The following DCX variants were observed in gnomAD, a reference collection of about 807,000 sequenced individuals.
DCX encodes the protein neuronal migration protein doublecortin.
Under a neutral mutation model 20.9 loss-of-function variants are expected in DCX, and 4 were observed. That is an observed-to-expected ratio of 0.19 (90% confidence interval 0.09 to 0.44). The LOEUF (loss-of-function observed/expected upper bound fraction) is 0.44. DCX is among the 20% of genes least tolerant of loss of function. The pLI is 0.99. For synonymous variants in DCX, 103 were observed against 111.4 expected, an observed-to-expected ratio of 0.92 and a Z score of 0.47; for missense variants, 133 against 296.9, an observed-to-expected ratio of 0.45 and a Z score of 4.06.
chrX:111,311,598 A>G (rs1399429066), intron 6 of DCX, among the ~76,000 whole-genome samples: 1 of 111,613 alleles, frequency 9.0e-6, no homozygotes, highest in Non-Finnish European at 1.9e-5. Flanking sequence ...ACCTACTGTG[A>G]GCTGGCTCTG....
intron 3 of DCX, among the ~76,000 whole-genome samples, chrX:111,382,133 C>T (rs1038117233): frequency 1.8e-5 from 2 of 111,865 alleles, no homozygotes; most frequent in East Asian, 2.8e-4. Context: ...TCCCAGATGA[C>T]GCTGATGTTG....
chrX:111,325,281 G>A lies in DCX; in HGVS notation c.946+5623C>T, dbSNP rs140118073. The stretch of plus-strand genomic sequence containing the variant: ...AGCCAAGAAGCAAGGACCATCCAAC[G>A]TAGACCTTTGCATTCACCAGACAGC... On this transcript the variant is annotated intron_variant, in intron 5 of 6. Transcript: ENST00000636035. Among the ~76,000 whole-genome samples the A allele has an allele frequency of 3.6e-3, 403 of 111,262 alleles. 3 individuals carry two copies. The highest frequency in any genetic ancestry group is 0.012 in the African/African-American group (381 of 30,579).
chrX:111,313,428 A>T (rs2095061965), intron 5 of DCX, among the ~76,000 whole-genome samples: 1 of 111,019 alleles, frequency 9.0e-6, no homozygotes, highest in African/African-American at 3.3e-5. Flanking sequence ...ATCAAAAAAG[A>T]GAGAATGACA....
At position 111,298,315 on chromosome X, in the gene DCX, T is replaced by G. The variant is rs2095026100; in HGVS notation, c.*3372A>C. 9.0e-6 allele frequency: 1 copy of G among 111,634 alleles called. No homozygotes were observed. The highest frequency in any genetic ancestry group is 1.9e-5 in the Non-Finnish European group (1 of 53,073). 9.2% of individuals were successfully genotyped at this position (111,634 alleles called of 1,213,427 possible). On this transcript the variant is annotated 3_prime_UTR_variant, in exon 7 of 7. Coordinates refer to ENST00000636035, the MANE Select transcript of DCX (RefSeq NM_001195553.2). ...CAGATGGACAAGGCCAGGGACCCCA[T>G]TGCTCCTATTGGCCCTCAATGCCTC...
At chrX:111,403,985 G>T (rs1220020447) in intron 2 of DCX, among the ~76,000 whole-genome samples, 1 of 109,626 alleles carries the variant, frequency 9.1e-6, no homozygotes, top group Admixed American at 9.9e-5. Flanking sequence ...GGCAGAGGGT[G>T]CAGTGAGCTG....
chrX:111,308,094 G>T (rs2095049579), intron 6 of DCX, among the ~76,000 whole-genome samples: 1 of 112,190 alleles, frequency 8.9e-6, no homozygotes, highest in South Asian at 3.7e-4. Flanking sequence ...TTCAGGAAAA[G>T]GAATTATCTC....
intron 3 of DCX, among the ~76,000 whole-genome samples, chrX:111,334,998 C>G (rs1417862434): frequency 4.5e-5 from 5 of 111,742 alleles, no homozygotes; most frequent in Non-Finnish European, 9.4e-5. Flanking sequence ...AGCTGCAGAC[C>G]TCCTACCAAT....
rs1208889763 is a variant in DCX, at chrX:111,296,675, C to T, written c.*5012G>A. 1 of 108,331 alleles carries T rather than the reference C, an allele frequency of 9.2e-6. No individual in the cohort carries two copies. Among genetic ancestry groups the T allele is most frequent in the African/African-American group, 3.4e-5 (1 of 29,458 alleles). The allele number at this position is 108,331 out of a possible 1,213,427, so 8.9% of individuals were successfully genotyped here. ...ACTCGGGAGACTGAGGCAGGAGAAT[C>T]GCTTCGACCTGGGAGGTGAAGGGTG... On this transcript the variant is annotated 3_prime_UTR_variant, in exon 7 of 7. Transcript: ENST00000636035.
chrX:111,408,852 T>A (rs1928470706), intron 2 of DCX, among the ~76,000 whole-genome samples: 1 of 111,686 alleles, frequency 9.0e-6, no homozygotes, highest in South Asian at 3.8e-4. Flanking sequence ...CTCATTCTCC[T>A]TTGTCTAGGA....
In DCX at chrX:111,308,515, C is replaced by T. The variant is rs191036929; in HGVS notation, c.1044+4124G>A. Among the ~76,000 whole-genome samples, 12 of 110,883 alleles carry T rather than the reference C, an allele frequency of 1.1e-4. No homozygotes were observed. The East Asian group carries it at 3.4e-3, about 31-fold the overall frequency. On this transcript the variant is annotated intron_variant, in intron 6 of 6. Transcript: ENST00000636035. ...CCATCTCCCACTCTCTCCCGTCTTTCCCACCCTCCTTTGTGCTCATGCAGT... is the reference window on the plus strand; with the variant it reads ...CCATCTCCCACTCTCTCCCGTCTTTTCCACCCTCCTTTGTGCTCATGCAGT...
chrX:111,382,784 G>T (rs1187328284), intron 3 of DCX, among the ~76,000 whole-genome samples: 1 of 111,550 alleles, frequency 9.0e-6, no homozygotes, highest in Non-Finnish European at 1.9e-5. Context: ...CAAGGTATGT[G>T]AATCAGAAAA....
chrX:111,386,288 C>G (rs186298366), intron 3 of DCX, among the ~76,000 whole-genome samples: 2,173 of 111,330 alleles, frequency 0.02, 67 homozygotes, highest in African/African-American at 0.067. Context: ...AACTGAACCA[C>G]AGCCAGCGCT....
chrX:111,371,025 A>G (rs147469260), intron 3 of DCX, among the ~76,000 whole-genome samples: 2,379 of 111,958 alleles, frequency 0.021, 70 homozygotes, highest in African/African-American at 0.073. Context: ...CCTATTTTTA[A>G]TGCATTTCAA....
In DCX at chrX:111,320,841, T is replaced by TCA. The variant is rs969600224; in HGVS notation, c.947-8107_947-8106dup. ...CTCTTTCTTTCTCTCTCTCTCTCTC[T>TCA]CACACACACACACACACACACATGC... is the stretch of plus-strand genomic sequence containing the variant. On this transcript the variant is annotated intron_variant, in intron 5 of 6. Transcript: ENST00000636035. Among the ~76,000 whole-genome samples, 794 of 103,586 alleles carry TCA rather than the reference T, an allele frequency of 7.7e-3. 3 individuals are homozygous for TCA. The highest frequency in any genetic ancestry group is 0.01 in the Non-Finnish European group (516 of 51,035). The allele number at this position is 103,586 out of a possible 115,157, so 90.0% of individuals were successfully genotyped here.
chrX:111,388,891 T>C (rs1332106647), intron 3 of DCX, among the ~76,000 whole-genome samples: 1 of 112,125 alleles, frequency 8.9e-6, no homozygotes, highest in East Asian at 2.8e-4. Context: ...TAGCTCTATA[T>C]GTTATAGTGT....
At chrX:111,344,278 T>C (rs908227558) in intron 3 of DCX, among the ~76,000 whole-genome samples, 18 of 111,784 alleles carry the variant, frequency 1.6e-4, no homozygotes, top group African/African-American at 5.5e-4. Flanking sequence ...CCACAGCCAA[T>C]ATCAAATTAA....
At chrX:111,383,305 T>C (rs1218948595) in intron 3 of DCX, among the ~76,000 whole-genome samples, 4 of 112,042 alleles carry the variant, frequency 3.6e-5, no homozygotes, top group Non-Finnish European at 5.6e-5. Context: ...TGTTTCTTCT[T>C]GGTGAAAAAT....
At chrX:111,341,679 A>T (rs1922251362) in intron 3 of DCX, among the ~76,000 whole-genome samples, 1 of 112,072 alleles carries the variant, frequency 8.9e-6, no homozygotes, top group South Asian at 3.8e-4. Context: ...CAGACTTCTC[A>T]GCAGAAACTC....
chrX:111,330,853 T>C (rs1018853606), intron 5 of DCX, 51 bp downstream of exon 5: 10 of 1,203,183 alleles, frequency 8.3e-6, no homozygotes, highest in Non-Finnish European at 1.1e-5. Flanking sequence ...GCAGAAAGTA[T>C]TGTCCTCCAT....
Sources: gnomAD v4.1 joint callset for allele counts (sites outside exome capture counted in the v4.1 genomes callset) on GRCh38, gnomAD v4.1.1 for gene constraint, MANE v1.5 for transcripts, NCBI Gene and HGNC (gene_info 2026-07-23, HGNC 2026-07-21) for gene names.